The following NREP variants were observed in gnomAD, a reference collection of about 807,000 sequenced individuals.
NREP encodes neuronal regeneration-related protein.
Under a neutral mutation model 8.6 loss-of-function variants are expected in NREP, and 5 were observed. The ratio of observed to expected loss-of-function variants is 0.58; its 90% CI spans 0.30 to 1.22. The LOEUF is 1.22. Among genes scored for constraint, NREP ranks in the 50% most tolerant of loss-of-function variants. The probability of loss-of-function intolerance (pLI) is 0.07; values close to 1 mark genes in which losing one functional copy is unlikely to be tolerated. For missense variants in NREP, 86 were observed against 82.5 expected (o/e 1.04, Z -0.17); for synonymous variants, 27 against 28.0 (o/e 0.96, Z 0.11).
intron 2 of NREP, among the ~76,000 whole-genome samples, chr5:111,744,554 T>A (rs1401459076): frequency 6.6e-6 from 1 of 152,058 alleles, no homozygotes; most frequent in Non-Finnish European, 1.5e-5. Flanking sequence ...AGGAATGGAA[T>A]AGGGTTAGAA....
chr5:111,942,693 T>G (rs893669253), intron 2 of NREP, among the ~76,000 whole-genome samples: 1 of 150,926 alleles, frequency 6.6e-6, no homozygotes, highest in African/African-American at 2.4e-5. Flanking sequence ...GAAAATAGAG[T>G]TTTATACTCC....
intron 2 of NREP, among the ~76,000 whole-genome samples, chr5:111,747,949 TG>T (rs879892172): frequency 2.6e-5 from 4 of 152,154 alleles, no homozygotes; most frequent in Admixed American, 1.3e-4. Flanking sequence ...CATTACCCTG[TG>T]AAACCAGGGC....
At chr5:111,882,388 T>C (rs1004351685) in intron 2 of NREP, among the ~76,000 whole-genome samples, 14 of 152,128 alleles carry the variant, frequency 9.2e-5, no homozygotes, top group East Asian at 3.9e-4. Flanking sequence ...AGAATGGAAC[T>C]AAGTTGGAAA....
intron 2 of NREP, among the ~76,000 whole-genome samples, chr5:111,747,960 C>A (rs898362593): frequency 2.6e-5 from 4 of 152,184 alleles, no homozygotes; most frequent in Non-Finnish European, 5.9e-5. Flanking sequence ...GAAACCAGGG[C>A]AGATTTGGTC....
chr5:111,795,407 A>G (rs543338052), intron 2 of NREP, among the ~76,000 whole-genome samples: 1 of 152,196 alleles, frequency 6.6e-6, no homozygotes, highest in Non-Finnish European at 1.5e-5. Context: ...TGGCAAACTC[A>G]AGCTAGGTAG....
intron 2 of NREP, among the ~76,000 whole-genome samples, chr5:111,874,298 A>G (rs2112501569): frequency 6.6e-6 from 1 of 152,334 alleles, no homozygotes; most frequent in Non-Finnish European, 1.5e-5. Flanking sequence ...TAAAACTAAG[A>G]ACTCAATCTG....
At chr5:111,976,241 T>C (rs1194366217) in intron 1 of NREP, among the ~76,000 whole-genome samples, 2 of 152,214 alleles carry the variant, frequency 1.3e-5, no homozygotes, top group South Asian at 2.1e-4. Context: ...TGAAAAACTA[T>C]AGGTAGAAGC....
chr5:111,942,178 T>C (rs1755847835), intron 2 of NREP, among the ~76,000 whole-genome samples: 1 of 152,108 alleles, frequency 6.6e-6, no homozygotes, highest in Non-Finnish European at 1.5e-5. Context: ...AGCCAGGATT[T>C]AATTGCTATT....
intron 2 of NREP, among the ~76,000 whole-genome samples, chr5:111,929,487 T>C (rs761163376): frequency 1.3e-5 from 2 of 152,238 alleles, no homozygotes; most frequent in Non-Finnish European, 2.9e-5. Flanking sequence ...AGGATCTTTC[T>C]GTACCACATG....
intron 2 of NREP, among the ~76,000 whole-genome samples, chr5:111,916,870 A>T (rs1309370248): frequency 6.6e-6 from 1 of 152,074 alleles, no homozygotes; most frequent in Non-Finnish European, 1.5e-5. Context: ...AGAAGAAAGA[A>T]CTCGACTGAG....
intron 2 of NREP, among the ~76,000 whole-genome samples, chr5:111,918,990 A>C (rs1755145881): frequency 6.6e-6 from 1 of 152,220 alleles, no homozygotes; most frequent in East Asian, 1.9e-4. Flanking sequence ...CATCTGACAA[A>C]GAACTAATAT....
Position 111,755,841 on chromosome 5 carries a change from T to C in NREP, c.-58-11A>G, listed in dbSNP as rs1418883140. On this transcript the variant is annotated splice_polypyrimidine_tract_variant and intron_variant, in intron 1 of 3. Coordinates refer to ENST00000257435, the MANE Select transcript of NREP (RefSeq NM_004772.4). ...TCCAGGGAGACCAACCTGCAAAATATGTTTAAATACAGTAGACACATCGCC... is the reference window on the plus strand; with the variant it reads ...TCCAGGGAGACCAACCTGCAAAATACGTTTAAATACAGTAGACACATCGCC... The C allele has an allele frequency of 8.7e-6, 14 of 1,613,642 alleles. No individual in the cohort carries two copies. The highest frequency in any genetic ancestry group is 1.2e-5 in the Non-Finnish European group (14 of 1,179,712).
chr5:111,734,657 G>A (rs1463399012), intron 3 of NREP: 3 of 672,660 alleles, frequency 4.5e-6, no homozygotes, highest in Non-Finnish European at 8.1e-6. Context: ...GTAACAGCTG[G>A]GGGAGGACTC....
intron 2 of NREP, among the ~76,000 whole-genome samples, chr5:111,938,862 C>A: frequency 6.6e-6 from 1 of 151,964 alleles, no homozygotes; most frequent in Non-Finnish European, 1.5e-5. Flanking sequence ...TTTTGACAAG[C>A]AATTAAGATA....
chr5:111,807,767 C>A lies in NREP; in HGVS notation c.136-72260G>T, dbSNP rs75103295. ...TTCCACAGAAAATGTCTCAGCAGTT[C>A]CATGAATGAAATTAACCCACCAACT... On this transcript the variant is annotated intron_variant, in intron 2 of 3. Transcript: ENST00000395634. Among the ~76,000 whole-genome samples the A allele has an allele frequency of 1.3e-3, 203 of 152,182 alleles. 2 individuals carry two copies. The East Asian group carries it at 0.036, about 27-fold the overall frequency.
intron 2 of NREP, among the ~76,000 whole-genome samples, chr5:111,790,909 C>T (rs1456343247): frequency 6.6e-6 from 1 of 152,128 alleles, no homozygotes; most frequent in Non-Finnish European, 1.5e-5. Flanking sequence ...TGCAAAACCA[C>T]ATATACAGAG....
At chr5:111,879,934 C>G (rs1224563829) in intron 2 of NREP, among the ~76,000 whole-genome samples, 1 of 152,174 alleles carries the variant, frequency 6.6e-6, no homozygotes, top group Non-Finnish European at 1.5e-5. Flanking sequence ...AATTACCTCC[C>G]AAAGGTCAGT....
chr5:111,969,150 G>T (rs1561375251), intron 2 of NREP, among the ~76,000 whole-genome samples: 7 of 152,196 alleles, frequency 4.6e-5, no homozygotes, highest in African/African-American at 1.4e-4. Context: ...GCCTAAAAAT[G>T]TTTCTAATGG....
chr5:111,799,349 G>A (rs1751948253), intron 2 of NREP, among the ~76,000 whole-genome samples: 1 of 152,090 alleles, frequency 6.6e-6, no homozygotes. Context: ...TTTGTAGACT[G>A]CTTTTAGCAG....
Sources: allele counts gnomAD v4.1 joint callset (sites outside exome capture counted in the v4.1 genomes callset), GRCh38; gene constraint gnomAD v4.1.1; transcripts MANE v1.5; gene names NCBI Gene and HGNC (gene_info 2026-07-23, HGNC 2026-07-21).